The following GTF2F2 variants were observed in gnomAD, a reference collection of about 807,000 sequenced individuals.
GTF2F2 encodes the protein ATP-dependent helicase GTF2F2.
In GTF2F2, 23 loss-of-function variants were observed where a neutral mutation model predicts 42.2. That is an observed-to-expected ratio of 0.55 (90% CI 0.39 to 0.77). The LOEUF is 0.77. Among genes scored for constraint, GTF2F2 ranks in the 30% least tolerant of loss-of-function variants. The probability of loss-of-function intolerance (pLI) is 0.00; values close to 1 mark genes in which losing one functional copy is unlikely to be tolerated. For missense variants in GTF2F2, 261 were observed against 287.2 expected, an observed-to-expected ratio of 0.91 and a Z score of 0.66; for synonymous variants, 105 against 100.8, an observed-to-expected ratio of 1.04 and a Z score of -0.25.
At chr13:45,176,170 T>C (rs1163031616) in intron 4 of GTF2F2, among the ~76,000 whole-genome samples, 1 of 152,256 alleles carries the variant, frequency 6.6e-6, no homozygotes, top group Non-Finnish European at 1.5e-5. Flanking sequence ...CTATAATTTC[T>C]AAGTGTGGAC....
chr13:45,146,224 G>A (rs1042953752), intron 2 of GTF2F2, among the ~76,000 whole-genome samples: 4 of 152,206 alleles, frequency 2.6e-5, no homozygotes, highest in East Asian at 3.9e-4. Context: ...GGCCTGGTGC[G>A]GTGGCTTATA....
At position 45,131,920 on chromosome 13, in the gene GTF2F2, A is replaced by AAAAG. The variant is rs1555263585; in HGVS notation, c.67-4812_67-4811insAAGA. ...CTCAAAAAAAAAAAAAAAAAAAAAAAAGAGAGAGAGAGAAAAGGTAGAGAA... is the reference window on the plus strand; with the variant it reads ...CTCAAAAAAAAAAAAAAAAAAAAAAAAAAGAGAGAGAGAGAGAAAAGGTAGAGAA... On this transcript the variant is annotated intron_variant, in intron 1 of 7. Coordinates refer to ENST00000340473, the MANE Select transcript of GTF2F2 (RefSeq NM_004128.3). Among the ~76,000 whole-genome samples the AAAAG allele has an allele frequency of 6.8e-5, 10 of 146,280 alleles. No homozygotes were observed. In the East Asian group the frequency reaches 1.2e-3, roughly 18 times the overall value.
In GTF2F2 at chr13:45,284,861, A is replaced by G. The variant is rs1409391550; in HGVS notation, c.*1300A>G. The G allele has an allele frequency of 2.6e-5, 4 of 152,222 alleles. No individual in the cohort carries two copies. Among genetic ancestry groups the G allele is most frequent in the African/African-American group, 4.8e-5 (2 of 41,464 alleles). The allele number at this position is 152,222 out of a possible 1,614,324, so 9.4% of individuals were successfully genotyped here. A position where few individuals can be genotyped will look rare whatever the true frequency, so the allele number is the denominator to read the frequency against. Reference sequence around the variant, plus strand: ...CACTAAGAAGATTTTTATTCTGTGTACACACTGAAAAATAAAATTCTGAGT... The same window carrying G: ...CACTAAGAAGATTTTTATTCTGTGTGCACACTGAAAAATAAAATTCTGAGT... On this transcript the variant is annotated 3_prime_UTR_variant, in exon 8 of 8. Coordinates refer to ENST00000340473, the MANE Select transcript of GTF2F2 (RefSeq NM_004128.3).
At chr13:45,210,549 G>A (rs527958129) in intron 5 of GTF2F2, among the ~76,000 whole-genome samples, 2 of 152,088 alleles carry the variant, frequency 1.3e-5, no homozygotes, top group South Asian at 2.1e-4. Context: ...TTATTGCCAC[G>A]TTTTCCCTCC....
intron 5 of GTF2F2, among the ~76,000 whole-genome samples, chr13:45,237,460 A>G (rs1352654313): frequency 6.6e-6 from 1 of 152,240 alleles, no homozygotes; most frequent in African/African-American, 2.4e-5. Flanking sequence ...TCTGTTCAAT[A>G]TGGGTACTGG....
At chr13:45,194,726 G>C in intron 4 of GTF2F2, 1 of 654,972 alleles carries the variant, frequency 1.5e-6, no homozygotes, top group East Asian at 2.7e-5. Context: ...GCAGTAGGTG[G>C]CGTATCAGCC....
chr13:45,267,598 T>G (rs1176310984), intron 7 of GTF2F2, among the ~76,000 whole-genome samples: 1 of 152,208 alleles, frequency 6.6e-6, no homozygotes, highest in African/African-American at 2.4e-5. Context: ...AAAGAAATTA[T>G]CCTCATGTTC....
chr13:45,252,705 T>C (rs910893509), intron 5 of GTF2F2, among the ~76,000 whole-genome samples, 166 bp from the exon 6 acceptor site: 1 of 152,174 alleles, frequency 6.6e-6, no homozygotes, highest in East Asian at 1.9e-4. Flanking sequence ...TTCTGCATTA[T>C]AGTCACGTAT....
At chr13:45,185,326 A>AATAT (rs1257516647) in intron 4 of GTF2F2, among the ~76,000 whole-genome samples, 17 of 152,188 alleles carry the variant, frequency 1.1e-4, no homozygotes, top group African/African-American at 3.6e-4. Context: ...AATGTATTTT[A>AATAT]ATATAGCCTG....
chr13:45,138,112 C>G (rs367976559), intron 2 of GTF2F2, among the ~76,000 whole-genome samples: 1 of 152,118 alleles, frequency 6.6e-6, no homozygotes, highest in African/African-American at 2.4e-5. Context: ...TAGGACACAT[C>G]TCTTCTCCTC....
chr13:45,164,934 A>C (rs751920215), intron 4 of GTF2F2, among the ~76,000 whole-genome samples: 3 of 152,236 alleles, frequency 2.0e-5, no homozygotes, highest in Admixed American at 2.0e-4. Flanking sequence ...TTACATTCTC[A>C]TAACTATTTG....
intron 4 of GTF2F2, among the ~76,000 whole-genome samples, chr13:45,175,085 A>G (rs1340996768): frequency 6.6e-6 from 1 of 152,204 alleles, no homozygotes; most frequent in African/African-American, 2.4e-5. Flanking sequence ...TCTGTTAGCC[A>G]GTCCCTCCTT....
intron 5 of GTF2F2, among the ~76,000 whole-genome samples, chr13:45,252,213 G>C (rs1266375652): frequency 3.3e-5 from 5 of 152,182 alleles, no homozygotes; most frequent in Non-Finnish European, 7.4e-5. Context: ...CACAGTCACA[G>C]CTCACTGTGG....
At chr13:45,127,938 CTTTTTTTTT>C (rs1161627204) in intron 1 of GTF2F2, among the ~76,000 whole-genome samples, 51 of 48,594 alleles carry the variant, frequency 1.0e-3, no homozygotes, top group African/African-American at 3.9e-3. Flanking sequence ...GCACCCCGGC[CTTTTTTTTT>C]TTTTTTTTTT....
At chr13:45,227,080 A>G (rs1593502530) in intron 5 of GTF2F2, among the ~76,000 whole-genome samples, 1 of 152,244 alleles carries the variant, frequency 6.6e-6, no homozygotes, top group East Asian at 1.9e-4. Context: ...AGCCTGGGCA[A>G]CAGAGTGAGA....
intron 5 of GTF2F2, among the ~76,000 whole-genome samples, chr13:45,212,082 G>C (rs1873673231): frequency 6.6e-6 from 1 of 152,288 alleles, no homozygotes; most frequent in South Asian, 2.1e-4. Flanking sequence ...CAACGTGGTA[G>C]TGCTATTGAA....
intron 6 of GTF2F2, among the ~76,000 whole-genome samples, chr13:45,263,115 TAA>T (rs1876412921): frequency 6.8e-6 from 1 of 146,854 alleles, no homozygotes; most frequent in African/African-American, 2.7e-5. Context: ...TTTTTATTTT[TAA>T]ATAAATTTAA....
chr13:45,217,267 C>T (rs899901161), intron 5 of GTF2F2, among the ~76,000 whole-genome samples: 1 of 146,110 alleles, frequency 6.8e-6, no homozygotes, highest in Non-Finnish European at 1.5e-5. Flanking sequence ...CGCCACGCTC[C>T]AGCCTAGGTG....
At chr13:45,123,611 C>T (rs542609149) in intron 1 of GTF2F2, among the ~76,000 whole-genome samples, 1 of 143,550 alleles carries the variant, frequency 7.0e-6, no homozygotes, top group Admixed American at 7.0e-5. Context: ...GGCTGGGCTA[C>T]AGAGTGAAAC....
Sources: gnomAD v4.1 joint callset for allele counts (sites outside exome capture counted in the v4.1 genomes callset) on GRCh38, gnomAD v4.1.1 for gene constraint, MANE v1.5 for transcripts, NCBI Gene and HGNC (gene_info 2026-07-23, HGNC 2026-07-21) for gene names.